Variants in ALG13 observed in about 807,000 individuals in gnomAD.
ALG13 encodes the protein UDP-N-acetylglucosamine transferase subunit ALG13.
Under a neutral mutation model 87.8 loss-of-function variants are expected in ALG13, and 11 were observed. The ratio of observed to expected loss-of-function variants is 0.13; its 90% CI spans 0.08 to 0.21. ALG13 has a LOEUF of 0.21. Ranked by LOEUF, ALG13 falls within the 10% of genes least tolerant of loss-of-function variation. The pLI is 1.00. For missense variants in ALG13, 756 were observed against 866.1 expected (o/e 0.87, Z 1.60); for synonymous variants, 320 against 306.3 (o/e 1.04, Z -0.47).
intron 3 of ALG13, among the ~76,000 whole-genome samples, chrX:111,696,983 T>A (rs1047817228): frequency 8.0e-5 from 5 of 62,679 alleles, no homozygotes; most frequent in Admixed American, 7.5e-4. Flanking sequence ...GGTTCTTACC[T>A]TTTTTTTTTT....
At chrX:111,752,137 T>C (rs1373239248) in intron 24 of ALG13, among the ~76,000 whole-genome samples, 2 of 112,025 alleles carry the variant, frequency 1.8e-5, no homozygotes, top group Non-Finnish European at 3.8e-5. Flanking sequence ...AATGATTGTT[T>C]ATGTTCTAGA....
rs762934062 is a variant in ALG13, at chrX:111,708,099, G to A, written c.456G>A (p.Leu152=). 1.2e-5 allele frequency: 15 copies of A among 1,209,616 alleles called. No homozygotes were observed. The highest frequency in any genetic ancestry group is 3.0e-5 in the East Asian group (1 of 33,745). The change falls in exon 4 of 27, where the codon CTG becomes CTA. Residue 152 remains leucine, a synonymous_variant. Transcript: ENST00000394780. ...APGKCQDSAA[L]TSTAFSGLDF... is the part of the protein sequence containing the mutation. The stretch of plus-strand genomic sequence containing the variant: ...GGAAGTGCCAAGATTCTGCAGCGCT[G>A]ACTTCAACTGCCTTTTCAGGCCTAG...
At chrX:111,708,519 G>A in intron 4 of ALG13, 126 bp downstream of exon 4, 4 of 844,696 alleles carry the variant, frequency 4.7e-6, no homozygotes, top group Non-Finnish European at 6.6e-6. Flanking sequence ...GGCCTGTCAA[G>A]GTCCTAGAGA....
At chrX:111,699,871 C>T (rs1439497882) in intron 3 of ALG13, among the ~76,000 whole-genome samples, 11 of 109,356 alleles carry the variant, frequency 1.0e-4, no homozygotes, top group Admixed American at 1.9e-4. Flanking sequence ...TGGGATCTTC[C>T]GTGGTTCTAT....
chrX:111,718,399 A>C (rs1470252815), intron 10 of ALG13, 125 bp downstream of exon 10: 1 of 538,224 alleles, frequency 1.9e-6, no homozygotes, highest in African/African-American at 2.4e-5. Context: ...CACATATGTT[A>C]GGATATATAT....
At chrX:111,712,645 A>G in intron 7 of ALG13, 115 bp downstream of exon 7, 1 of 381,776 alleles carries the variant, frequency 2.6e-6, no homozygotes, top group Non-Finnish European at 4.6e-6. Flanking sequence ...GATACCTAGA[A>G]TGAAGAAAGC....
intron 3 of ALG13, chrX:111,688,154 C>T: frequency 2.4e-6 from 2 of 847,288 alleles, no homozygotes; most frequent in Non-Finnish European, 2.9e-6. Context: ...ATGTTGTGCA[C>T]ATTTGCATTG....
chrX:111,720,388 CTG>C (rs1369478511), intron 11 of ALG13, among the ~76,000 whole-genome samples: 2 of 112,137 alleles, frequency 1.8e-5, no homozygotes, highest in Non-Finnish European at 3.8e-5. Context: ...TCAGAACAAA[CTG>C]AACACTTCAG....
Position 111,712,524 on chromosome X carries a change from T to C in ALG13, c.926T>C (p.Ile309Thr), listed in dbSNP as rs1403392177. The C allele has an allele frequency of 6.9e-6, 8 of 1,163,024 alleles. No homozygotes were observed. Among genetic ancestry groups the C allele is most frequent in the Non-Finnish European group, 9.3e-6 (8 of 860,981 alleles). Residue 309 changes from isoleucine to threonine, a missense_variant, in exon 7 of 27, where the codon ATT becomes ACT. Around this residue, in one of 9 missense-constraint regions of ALG13, gnomAD observed 60 missense variants for 54.5 expected, o/e 1.10. Coordinates refer to ENST00000394780, the MANE Select transcript of ALG13 (RefSeq NM_001099922.3). ...CTGGAAATAAGAGCTCTTTCTCTAA[T>C]TTATAAGTAAGTTATATCCTCTTTT... is the stretch of plus-strand genomic sequence containing the variant. The part of the protein sequence containing the change: ...GQLEIRALSL[I>T]YNRDFILYRF...
chrX:111,713,781 G>A (rs1940165380), intron 8 of ALG13, among the ~76,000 whole-genome samples: 1 of 111,933 alleles, frequency 8.9e-6, no homozygotes, highest in Non-Finnish European at 1.9e-5. Flanking sequence ...GTTTTCATAT[G>A]TATTTCTTTC....
chrX:111,733,137 T>C (rs1471609766), intron 21 of ALG13, among the ~76,000 whole-genome samples: 1 of 111,778 alleles, frequency 8.9e-6, no homozygotes, highest in Non-Finnish European at 1.9e-5. Context: ...TCTTTGTCTT[T>C]AATTTTTAAT....
At chrX:111,719,141 C>T (rs1941065802) in intron 10 of ALG13, among the ~76,000 whole-genome samples, 1 of 108,948 alleles carries the variant, frequency 9.2e-6, no homozygotes, top group Non-Finnish European at 1.9e-5. Flanking sequence ...GTTCTCCTGC[C>T]TCAGCCTCCC....
At chrX:111,718,590 C>G (rs367834527) in intron 10 of ALG13, among the ~76,000 whole-genome samples, 3 of 111,944 alleles carry the variant, frequency 2.7e-5, no homozygotes, top group African/African-American at 9.7e-5. Flanking sequence ...CCTGGGCCTA[C>G]TGTCACAAAA....
chrX:111,730,499 T>C (rs1226441243), intron 20 of ALG13, 26 bp from the exon 21 acceptor site: 2 of 1,194,829 alleles, frequency 1.7e-6, no homozygotes, highest in African/African-American at 3.5e-5. Flanking sequence ...ATAATGCTCA[T>C]TTTTTACTTT....
intron 3 of ALG13, among the ~76,000 whole-genome samples, chrX:111,691,524 A>G (rs1369531341): frequency 8.9e-6 from 1 of 112,675 alleles, no homozygotes; most frequent in Non-Finnish European, 1.9e-5. Flanking sequence ...ATCTTTAAAT[A>G]TTCCTGTGCA....
intron 15 of ALG13, among the ~76,000 whole-genome samples, chrX:111,725,826 A>G (rs953000133): frequency 3.6e-5 from 4 of 112,565 alleles, no homozygotes; most frequent in East Asian, 2.8e-4. Context: ...TGAGGGGGAA[A>G]AATATTTCTT....
rs1220451146 is a variant in ALG13, at chrX:111,727,039, G to A, written c.1960G>A (p.Gly654Arg). ...PQHPSPRQGR[G>R]YGMPRNSSRF... is the part of the protein sequence containing the mutation. ...GCATCCATCTCCGAGACAAGGTCGG[G>A]GATATGGGATGCCCAGGTAAGACAT... Residue 654 changes from glycine to arginine, a missense_variant, in exon 16 of 27, where the codon GGA becomes AGA. Gly to Arg is a moderately radical substitution (Grantham distance 125, BLOSUM62 -2). Transcript: ENST00000394780. 2.5e-6 allele frequency: 3 copies of A among 1,209,138 alleles called. No homozygotes were observed. The highest frequency in any genetic ancestry group is 1.8e-5 in the African/African-American group (1 of 56,977).
At chrX:111,759,498 A>T (rs982150777) in intron 26 of ALG13, among the ~76,000 whole-genome samples, 1 of 112,138 alleles carries the variant, frequency 8.9e-6, no homozygotes, top group African/African-American at 3.2e-5. Flanking sequence ...TCCCAGAAAG[A>T]TAGCTGTCTG....
chrX:111,705,295 A>G (rs1001614125), intron 3 of ALG13, among the ~76,000 whole-genome samples: 1 of 111,856 alleles, frequency 8.9e-6, no homozygotes, highest in African/African-American at 3.3e-5. Flanking sequence ...TGAAATGTGT[A>G]TTCAAATCTT....
Sources: allele counts gnomAD v4.1 joint callset (sites outside exome capture counted in the v4.1 genomes callset), GRCh38; gene constraint gnomAD v4.1.1; regional missense constraint gnomAD v4.1.1; transcripts MANE v1.5; gene names NCBI Gene and HGNC (gene_info 2026-07-23, HGNC 2026-07-21).